Variants in KCNQ5 observed in about 807,000 individuals in gnomAD.
KCNQ5 encodes potassium voltage-gated channel subfamily Q member 5.
KCNQ5 carries 30 observed loss-of-function variants against 98.2 expected under a neutral mutation model. The ratio of observed to expected loss-of-function variants is 0.31; its 90% CI spans 0.23 to 0.41. The LOEUF (loss-of-function observed/expected upper bound fraction) is 0.41. Ranked by LOEUF, KCNQ5 falls within the 10% of genes least tolerant of loss-of-function variation. KCNQ5 has a pLI of 1.00. For synonymous variants in KCNQ5, 458 were observed against 449.4 expected (o/e 1.02, Z -0.24); for missense variants, 835 against 1,182.5 (o/e 0.71, Z 4.31).
chr6:72,695,666 A>G (rs915000863), intron 1 of KCNQ5, among the ~76,000 whole-genome samples: 1 of 152,086 alleles, frequency 6.6e-6, no homozygotes, highest in African/African-American at 2.4e-5. Context: ...AATATTATGT[A>G]TGATTTTATA....
intron 1 of KCNQ5, among the ~76,000 whole-genome samples, chr6:72,904,333 C>A (rs185119871): frequency 6.6e-6 from 1 of 152,098 alleles, no homozygotes; most frequent in East Asian, 1.9e-4. Flanking sequence ...TTAAGTGGAG[C>A]ATTTAGGCCA....
intron 1 of KCNQ5, among the ~76,000 whole-genome samples, chr6:72,752,757 T>C (rs900902067): frequency 2.6e-5 from 4 of 152,162 alleles, no homozygotes; most frequent in African/African-American, 9.7e-5. Flanking sequence ...TGAAGCTGTA[T>C]TTCTGTCCTA....
chr6:73,190,455 A>T, intron 11 of KCNQ5, 118 bp from the exon 12 acceptor site: 2 of 492,544 alleles, frequency 4.1e-6, no homozygotes, highest in Non-Finnish European at 6.5e-6. Context: ...AGAAGCCAAA[A>T]ATAATTTGAT....
intron 11 of KCNQ5, among the ~76,000 whole-genome samples, chr6:73,178,804 CAGAGTTT>C (rs1419909766): frequency 6.6e-6 from 1 of 152,184 alleles, no homozygotes; most frequent in Non-Finnish European, 1.5e-5. Context: ...ATAAAACTGT[CAGAGTTT>C]AAATACTGTA....
At chr6:73,037,536 A>G (rs1582235308) in intron 2 of KCNQ5, among the ~76,000 whole-genome samples, 1 of 152,296 alleles carries the variant, frequency 6.6e-6, no homozygotes, top group East Asian at 1.9e-4. Flanking sequence ...AATGATTATC[A>G]TAAGATAGGA....
At chr6:73,103,940 C>G (rs542784478) in intron 5 of KCNQ5, among the ~76,000 whole-genome samples, 9 of 151,932 alleles carry the variant, frequency 5.9e-5, no homozygotes, top group Admixed American at 3.9e-4. Flanking sequence ...CATTACATAT[C>G]GCATGCCAGT....
intron 1 of KCNQ5, among the ~76,000 whole-genome samples, chr6:72,940,087 G>T (rs1249335664): frequency 6.6e-6 from 1 of 152,068 alleles, no homozygotes; most frequent in Non-Finnish European, 1.5e-5. Context: ...AAATGAGGTT[G>T]TTGTATTCAC....
chr6:72,762,911 A>G (rs1260534848), intron 1 of KCNQ5, among the ~76,000 whole-genome samples: 3 of 152,024 alleles, frequency 2.0e-5, no homozygotes, highest in East Asian at 1.9e-4. Context: ...TCTTCCCAAG[A>G]TATAATAGTA....
chr6:72,940,726 C>G (rs1470833858), intron 1 of KCNQ5, among the ~76,000 whole-genome samples: 1 of 152,178 alleles, frequency 6.6e-6, no homozygotes, highest in Non-Finnish European at 1.5e-5. Context: ...CACAAGGATT[C>G]TGAATTTGAG....
intron 1 of KCNQ5, among the ~76,000 whole-genome samples, chr6:72,994,246 C>G (rs1429432005): frequency 1.4e-5 from 1 of 71,952 alleles, no homozygotes; most frequent in African/African-American, 7.3e-5. Flanking sequence ...ATGGCGGGCG[C>G]CCCTCCCCCA....
intron 1 of KCNQ5, among the ~76,000 whole-genome samples, chr6:72,911,407 G>T (rs1466429255): frequency 1.3e-5 from 2 of 151,992 alleles, no homozygotes; most frequent in South Asian, 2.1e-4. Flanking sequence ...CCCGGAAGGG[G>T]GCCTCACCAG....
At chr6:72,901,747 T>C (rs1779514333) in intron 1 of KCNQ5, among the ~76,000 whole-genome samples, 1 of 152,228 alleles carries the variant, frequency 6.6e-6, no homozygotes, top group Non-Finnish European at 1.5e-5. Flanking sequence ...TTGGTGACTA[T>C]GGCCTTATAG....
intron 1 of KCNQ5, among the ~76,000 whole-genome samples, chr6:72,909,522 G>A (rs1779838773): frequency 1.3e-5 from 2 of 152,298 alleles, no homozygotes; most frequent in South Asian, 2.1e-4. Context: ...GGTAATGTTT[G>A]TAGTGGTTTA....
chr6:72,862,526 C>A (rs1413876255), intron 1 of KCNQ5, among the ~76,000 whole-genome samples: 1 of 152,116 alleles, frequency 6.6e-6, no homozygotes, highest in Admixed American at 6.5e-5. Flanking sequence ...CAGAATATGT[C>A]ATAAGCTCAT....
intron 1 of KCNQ5, among the ~76,000 whole-genome samples, chr6:72,641,955 A>G (rs1239831513): frequency 6.6e-6 from 1 of 151,544 alleles, no homozygotes; most frequent in Non-Finnish European, 1.5e-5. Context: ...TACTCTCACA[A>G]TTTTTGAATA....
intron 1 of KCNQ5, among the ~76,000 whole-genome samples, chr6:72,772,399 G>T (rs1313734915): frequency 1.3e-5 from 2 of 152,000 alleles, no homozygotes; most frequent in Admixed American, 6.6e-5. Context: ...TGGACAGCAG[G>T]TTATAATATT....
chr6:73,099,244 G>A (rs1246753548), intron 5 of KCNQ5, among the ~76,000 whole-genome samples: 3 of 152,084 alleles, frequency 2.0e-5, no homozygotes, highest in Admixed American at 2.0e-4. Context: ...AAAGAAAAAA[G>A]CAAGAGAAGA....
At chr6:73,139,428 A>G (rs1362016115) in intron 10 of KCNQ5, among the ~76,000 whole-genome samples, 1 of 152,212 alleles carries the variant, frequency 6.6e-6, no homozygotes, top group Non-Finnish European at 1.5e-5. Context: ...GCAACTTTCC[A>G]TAGTATAATA....
At chr6:72,881,667 G>A (rs879546197) in intron 1 of KCNQ5, among the ~76,000 whole-genome samples, 1 of 151,982 alleles carries the variant, frequency 6.6e-6, no homozygotes, top group African/African-American at 2.4e-5. Flanking sequence ...ATAAAAGTCA[G>A]GGAATAGATT....
Sources: gnomAD v4.1 joint callset for allele counts (sites outside exome capture counted in the v4.1 genomes callset) on GRCh38, gnomAD v4.1.1 for gene constraint, MANE v1.5 for transcripts, NCBI Gene and HGNC (gene_info 2026-07-23, HGNC 2026-07-21) for gene names.